SHROOM3: variants seen among roughly 807,000 people sequenced by gnomAD.
SHROOM3 encodes the protein shroom family member 3.
In SHROOM3, 47 loss-of-function variants were observed where a neutral mutation model predicts 138.6. The observed-to-expected ratio is 0.34, with a 90% CI of 0.27 to 0.43. The LOEUF is 0.43. Among genes scored for constraint, SHROOM3 ranks in the 20% least tolerant of loss-of-function variants. The pLI, the probability that SHROOM3 is intolerant of heterozygous loss-of-function variation, is 1.00. For missense variants in SHROOM3, 2,491 were observed against 2,596.5 expected (o/e 0.96, Z 0.88); for synonymous variants, 1,062 against 1,063.3 (o/e 1.00, Z 0.02).
intron 1 of SHROOM3, among the ~76,000 whole-genome samples, chr4:76,523,898 A>G (rs1277726062): frequency 2.0e-5 from 3 of 152,188 alleles, no homozygotes; most frequent in Admixed American, 2.0e-4. Context: ...GAGGCTGGAG[A>G]GAGGCAGGAA....
chr4:76,660,482 T>C, intron 2 of SHROOM3, among the ~76,000 whole-genome samples: 1 of 152,122 alleles, frequency 6.6e-6, no homozygotes, highest in Middle Eastern at 3.2e-3. Flanking sequence ...TTTATTTTAA[T>C]TAATTTTTTT....
At chr4:76,611,731 G>T (rs1359439675) in intron 2 of SHROOM3, among the ~76,000 whole-genome samples, 1 of 152,114 alleles carries the variant, frequency 6.6e-6, no homozygotes, top group Non-Finnish European at 1.5e-5. Flanking sequence ...GCCATACCAG[G>T]AACTCTACAA....
At chr4:76,561,366 A>T (rs559922620) in intron 2 of SHROOM3, among the ~76,000 whole-genome samples, 11 of 152,202 alleles carry the variant, frequency 7.2e-5, no homozygotes, top group Non-Finnish European at 1.6e-4. Context: ...AGTAAAAAAC[A>T]ATAAACATCT....
chr4:76,602,878 A>C (rs1395235061), intron 2 of SHROOM3, among the ~76,000 whole-genome samples: 3 of 152,238 alleles, frequency 2.0e-5, no homozygotes, highest in Admixed American at 2.0e-4. Flanking sequence ...TGAGGATAAC[A>C]GTCATAGTAT....
chr4:76,726,915 C>T (rs140757833), intron 3 of SHROOM3, among the ~76,000 whole-genome samples: 239 of 152,292 alleles, frequency 1.6e-3, no homozygotes, highest in African/African-American at 5.5e-3. Context: ...AAAATCTTCT[C>T]GGCATCTAGC....
intron 1 of SHROOM3, among the ~76,000 whole-genome samples, chr4:76,521,326 G>A (rs1027651727): frequency 2.6e-5 from 4 of 152,142 alleles, no homozygotes; most frequent in African/African-American, 2.4e-5. Flanking sequence ...ACACATGTGT[G>A]TTGAAAGATA....
intron 1 of SHROOM3, among the ~76,000 whole-genome samples, chr4:76,513,561 G>A (rs142016364): frequency 7.7e-4 from 118 of 152,268 alleles, no homozygotes; most frequent in African/African-American, 1.3e-3. Flanking sequence ...TGACCCACCC[G>A]TCTCGGCCTT....
chr4:76,715,531 A>C (rs1031495010), intron 3 of SHROOM3, among the ~76,000 whole-genome samples: 1 of 152,204 alleles, frequency 6.6e-6, no homozygotes, highest in Non-Finnish European at 1.5e-5. Context: ...TCTAGCTTGA[A>C]ACTGAAGATT....
intron 1 of SHROOM3, among the ~76,000 whole-genome samples, chr4:76,512,460 C>A (rs1024845542): frequency 1.3e-5 from 2 of 152,146 alleles, no homozygotes; most frequent in African/African-American, 4.8e-5. Flanking sequence ...AAGAAACTGG[C>A]AGATCTGGAA....
intron 1 of SHROOM3, among the ~76,000 whole-genome samples, chr4:76,512,982 GT>G (rs1406362941): frequency 6.6e-6 from 1 of 152,220 alleles, no homozygotes; most frequent in Non-Finnish European, 1.5e-5. Context: ...ACATGAGCAA[GT>G]CTTGTGAATT....
intron 1 of SHROOM3, among the ~76,000 whole-genome samples, chr4:76,532,740 C>T (rs566928038): frequency 5.6e-4 from 85 of 152,264 alleles, no homozygotes; most frequent in African/African-American, 2.0e-3. Context: ...TTAGCAACCT[C>T]AGCGTACATT....
intron 2 of SHROOM3, among the ~76,000 whole-genome samples, chr4:76,671,568 TAA>T (rs1159921011): frequency 6.6e-6 from 1 of 152,248 alleles, no homozygotes; most frequent in Non-Finnish European, 1.5e-5. Context: ...AACTCCCATT[TAA>T]TCTCTATATC....
intron 2 of SHROOM3, among the ~76,000 whole-genome samples, chr4:76,655,678 T>C (rs1034483120): frequency 6.6e-6 from 1 of 152,196 alleles, no homozygotes; most frequent in Admixed American, 6.5e-5. Context: ...AATTTACTTA[T>C]ATTTTAAGAA....
intron 2 of SHROOM3, among the ~76,000 whole-genome samples, chr4:76,668,531 C>T (rs1392003700): frequency 6.6e-6 from 1 of 152,108 alleles, no homozygotes; most frequent in Non-Finnish European, 1.5e-5. Context: ...TGAGATTGTG[C>T]CATTGCACTC....
At chr4:76,612,337 A>G (rs1344691770) in intron 2 of SHROOM3, among the ~76,000 whole-genome samples, 2 of 152,210 alleles carry the variant, frequency 1.3e-5, no homozygotes, top group East Asian at 3.8e-4. Flanking sequence ...TATAAGTGGA[A>G]GCAGTACTCA....
intron 2 of SHROOM3, among the ~76,000 whole-genome samples, chr4:76,706,820 T>C (rs1265854402): frequency 6.6e-6 from 1 of 152,186 alleles, no homozygotes. Flanking sequence ...CCAGTGTGAA[T>C]TGCACTTTGA....
chr4:76,449,110 A>AATGAAAATCATCTCTGAAT (rs1730870461), intron 1 of SHROOM3, among the ~76,000 whole-genome samples: 2 of 152,182 alleles, frequency 1.3e-5, no homozygotes, highest in African/African-American at 4.8e-5. Context: ...AATGAAATCA[A>AATGAAAATCATCTCTGAAT]GATTTTCTCC....
chr4:76,735,858 AAAAAAAAAAAAT>A (rs1721037575), intron 4 of SHROOM3, among the ~76,000 whole-genome samples: 1 of 52,940 alleles, frequency 1.9e-5, no homozygotes. Context: ...AAAAAAAAAA[AAAAAAAAAAAAT>A]ATATATATAT....
chr4:76,678,324 A>G (rs1719098789), intron 2 of SHROOM3, among the ~76,000 whole-genome samples: 1 of 152,206 alleles, frequency 6.6e-6, no homozygotes, highest in African/African-American at 2.4e-5. Flanking sequence ...AAATTTGTGG[A>G]CATTCAATAT....
Sources: allele counts gnomAD v4.1 joint callset (sites outside exome capture counted in the v4.1 genomes callset), GRCh38; gene constraint gnomAD v4.1.1; transcripts MANE v1.5; gene names NCBI Gene and HGNC (gene_info 2026-07-23, HGNC 2026-07-21).